Variants in USP24 observed in about 807,000 individuals in gnomAD.
USP24 encodes the protein ubiquitin specific peptidase 24.
A neutral mutation model predicts 361.6 loss-of-function variants in USP24; 97 were observed. That is an observed-to-expected ratio of 0.27 (90% CI 0.23 to 0.32). USP24 has a LOEUF of 0.32. Ranked by LOEUF, USP24 falls within the 10% of genes least tolerant of loss-of-function variation. The pLI is 1.00. For missense variants in USP24, 2,353 were observed against 3,165.6 expected, an observed-to-expected ratio of 0.74 and a Z score of 6.16; for synonymous variants, 1,098 against 1,124.6, an observed-to-expected ratio of 0.98 and a Z score of 0.47.
intron 1 of USP24, among the ~76,000 whole-genome samples, chr1:55,184,783 T>C (rs1368041629): frequency 6.6e-6 from 1 of 152,068 alleles, no homozygotes; most frequent in Admixed American, 6.6e-5. Flanking sequence ...ATATGGAAAA[T>C]TCAAAAATAT....
rs556866145 is a variant in USP24 at position 55,094,917 on chromosome 1, C to T, written c.6203+338G>A. On this transcript the variant is annotated intron_variant, in intron 51 of 67. Transcript: ENST00000294383. ...ATTCAAGAGGCTGAGGTGGAAGGAT[C>T]GCTTCAGCCTGGGAGGTCGAGGCTG... Among the ~76,000 whole-genome samples the T allele has an allele frequency of 4.9e-4, 75 of 152,126 alleles. 1 individual carries two copies. The highest frequency in any genetic ancestry group is 1.7e-3 in the African/African-American group (70 of 41,504).
At chr1:55,140,206 A>T (rs1399152553) in intron 24 of USP24, among the ~76,000 whole-genome samples, 2 of 152,150 alleles carry the variant, frequency 1.3e-5, no homozygotes, top group African/African-American at 4.8e-5. Flanking sequence ...CCGAATAAAA[A>T]GCACTTAGTA....
chr1:55,143,881 GA>G (rs1256573914), intron 21 of USP24, among the ~76,000 whole-genome samples: 4 of 152,144 alleles, frequency 2.6e-5, no homozygotes, highest in African/African-American at 9.7e-5. Flanking sequence ...AGATCAGCCA[GA>G]AACAGAGAGA....
intron 28 of USP24, among the ~76,000 whole-genome samples, chr1:55,136,048 G>C (rs1646725252): frequency 6.6e-6 from 1 of 152,018 alleles, no homozygotes; most frequent in African/African-American, 2.4e-5. Context: ...TTGGGAGAGA[G>C]AGATAAACAA....
At chr1:55,105,532 T>C (rs1023998649) in intron 41 of USP24, among the ~76,000 whole-genome samples, 2 of 152,202 alleles carry the variant, frequency 1.3e-5, no homozygotes, top group African/African-American at 4.8e-5. Context: ...CTGGTTTTCA[T>C]GAGAAAGGAA....
At chr1:55,185,125 T>C (rs1016186808) in intron 1 of USP24, among the ~76,000 whole-genome samples, 7 of 151,954 alleles carry the variant, frequency 4.6e-5, no homozygotes, top group Non-Finnish European at 1.0e-4. Flanking sequence ...TGCCTGACTA[T>C]GTTTTGTTTT....
chr1:55,185,851 G>A (rs765643805), intron 1 of USP24, among the ~76,000 whole-genome samples: 1 of 152,066 alleles, frequency 6.6e-6, no homozygotes, highest in East Asian at 1.9e-4. Context: ...TCACAGGTGT[G>A]AGCCACCTCG....
chr1:55,175,217 CTCTTTTTTTTT>C lies in USP24; in HGVS notation c.558+1148_558+1158del, dbSNP rs1236365416. On this transcript the variant is annotated intron_variant, in intron 3 of 67. Coordinates refer to ENST00000294383, the MANE Select transcript of USP24 (RefSeq NM_015306.3). The stretch of plus-strand genomic sequence containing the variant: ...AAATGAACTCTTTGTTTTACTGGGT[CTCTTTTTTTTT>C]TTTTTTTTTTTTTTTTGAGACGGAG... 5.3e-3 allele frequency among the ~76,000 whole-genome samples: 581 copies of C among 110,294 alleles called. 8 individuals are homozygous for C. The highest frequency in any genetic ancestry group is 0.018 in the African/African-American group (567 of 31,162). The allele number at this position is 110,294 out of a possible 152,430, so 72.4% of individuals were successfully genotyped here.
chr1:55,092,238 C>A, intron 53 of USP24, 112 bp from the exon 54 acceptor site: 1 of 589,946 alleles, frequency 1.7e-6, no homozygotes, highest in South Asian at 3.0e-5. Flanking sequence ...GATATACACA[C>A]ATGATAAAGT....
chr1:55,179,861 C>T (rs1643912926), intron 1 of USP24, among the ~76,000 whole-genome samples: 1 of 147,124 alleles, frequency 6.8e-6, no homozygotes, highest in African/African-American at 2.7e-5. Context: ...TCACCAGCTC[C>T]CTAACTGGGC....
At chr1:55,183,386 T>A (rs1390515266) in intron 1 of USP24, among the ~76,000 whole-genome samples, 1 of 152,100 alleles carries the variant, frequency 6.6e-6, no homozygotes. Context: ...AATACATACA[T>A]AGAGAGAGAA....
chr1:55,162,021 T>C (rs1415870532), intron 8 of USP24, among the ~76,000 whole-genome samples, 178 bp downstream of exon 8: 1 of 152,210 alleles, frequency 6.6e-6, no homozygotes, highest in Non-Finnish European at 1.5e-5. Context: ...AGGTCTCCTA[T>C]ACTTCAAATT....
chr1:55,171,615 C>T lies in USP24; in HGVS notation c.766G>A (p.Ala256Thr), dbSNP rs753541945. The T allele has an allele frequency of 1.9e-6, 3 of 1,610,348 alleles. No homozygotes were observed. The highest frequency in any genetic ancestry group is 2.2e-5 in the South Asian group (2 of 90,474). ...ATATTTCCCTCTCCAAACACTTCTG[C>T]CCAATTCCTTTGAGACACTTTCATT... ...NRMKVSQRNW[A>T]EVFGEGNMFA... Residue 256 changes from alanine to threonine, a missense_variant, in exon 5 of 68, where the codon GCA becomes ACA. Coordinates refer to ENST00000294383, the MANE Select transcript of USP24 (RefSeq NM_015306.3).
At position 55,086,468 on chromosome 1, in the gene USP24, G is replaced by A. The variant is rs1408837295; in HGVS notation, c.6669-430C>T. ...AGCATACAAGGGGCAGGGGGACAAA[G>A]GAATGACTGATGGTCAGAAGAGCCT... On this transcript the variant is annotated intron_variant, in intron 55 of 67. Transcript: ENST00000294383. The A allele has an allele frequency of 4.1e-5, 7 of 172,604 alleles. No homozygotes were observed. The South Asian group carries it at 1.0e-3, about 26-fold the overall frequency. 10.7% of individuals were successfully genotyped at this position (172,604 alleles called of 1,614,324 possible).
chr1:55,129,950 G>A (rs1319421566), intron 31 of USP24, among the ~76,000 whole-genome samples: 1 of 152,144 alleles, frequency 6.6e-6, no homozygotes, highest in African/African-American at 2.4e-5. Flanking sequence ...AATGCAAGAT[G>A]AGTTTCCCAA....
intron 62 of USP24, among the ~76,000 whole-genome samples, chr1:55,076,363 AG>A (rs1645031773): frequency 1.3e-5 from 2 of 152,262 alleles, no homozygotes; most frequent in South Asian, 4.1e-4. Flanking sequence ...TAGGACCAAA[AG>A]GAAGTAAAGA....
chr1:55,188,164 T>C (rs1644184706), intron 1 of USP24, among the ~76,000 whole-genome samples: 1 of 152,102 alleles, frequency 6.6e-6, no homozygotes, highest in African/African-American at 2.4e-5. Context: ...AGTAATCCAA[T>C]GGAGGAAGGA....
Position 55,203,338 on chromosome 1 carries a change from A to G in USP24, c.324+11452T>C, listed in dbSNP as rs1644626150. ...AAACAAAAGACATCTCAAGAGGCAGAAGGCTGGGTTCCTTTTCTGACTCTG... is the reference window on the plus strand; with the variant it reads ...AAACAAAAGACATCTCAAGAGGCAGGAGGCTGGGTTCCTTTTCTGACTCTG... On this transcript the variant is annotated intron_variant, in intron 1 of 67. Coordinates refer to ENST00000294383, the MANE Select transcript of USP24 (RefSeq NM_015306.3). Among the ~76,000 whole-genome samples, 3 of 152,212 alleles carry G rather than the reference A, an allele frequency of 2.0e-5. No individual in the cohort carries two copies. In the South Asian group the frequency reaches 6.2e-4, roughly 32 times the overall value.
intron 10 of USP24, among the ~76,000 whole-genome samples, chr1:55,158,292 G>A (rs563323530): frequency 6.6e-6 from 1 of 152,150 alleles, no homozygotes; most frequent in African/African-American, 2.4e-5. Context: ...CTCCTCTTTT[G>A]GTCTAAAATG....
Sources: allele counts gnomAD v4.1 joint callset (sites outside exome capture counted in the v4.1 genomes callset), GRCh38; gene constraint gnomAD v4.1.1; transcripts MANE v1.5; gene names NCBI Gene and HGNC (gene_info 2026-07-23, HGNC 2026-07-21).